The following GPR155 variants were observed in gnomAD, a reference collection of about 807,000 sequenced individuals.
The protein encoded by GPR155 is G protein-coupled receptor 155.
A neutral mutation model predicts 93.1 loss-of-function variants in GPR155; 65 were observed. That is an observed-to-expected ratio of 0.70 (90% CI 0.57 to 0.86). The LOEUF (loss-of-function observed/expected upper bound fraction) is 0.86. Ranked by LOEUF, GPR155 falls within the 40% of genes least tolerant of loss-of-function variation. The pLI is 0.00. For synonymous variants in GPR155, 319 were observed against 360.1 expected, an observed-to-expected ratio of 0.89 and a Z score of 1.29; for missense variants, 838 against 1,034.8, an observed-to-expected ratio of 0.81 and a Z score of 2.61.
intron 13 of GPR155, among the ~76,000 whole-genome samples, chr2:174,442,449 C>T (rs949784563): frequency 6.6e-6 from 1 of 152,088 alleles, no homozygotes; most frequent in African/African-American, 2.4e-5. Flanking sequence ...AAAATGAAAA[C>T]GTTTAAGGGC....
Position 174,436,243 on chromosome 2 carries a change from A to G in GPR155, c.2486T>C (p.Leu829Ser). The change falls in exon 16 of 16, where the codon TTG (leucine) becomes TCG (serine). Residue 829 changes from leucine to serine, a missense_variant. By Grantham distance (145) the Leu-to-Ser change is moderately radical. Transcript: ENST00000392552. ...ACTCTTTTGAAGAAATCTGTAAAACAAGTACTCATCCCGGAATTCATACTC... is the reference window on the plus strand; with the variant it reads ...ACTCTTTTGAAGAAATCTGTAAAACGAGTACTCATCCCGGAATTCATACTC... ...TNEYEFRDEY[L>S]FYRFLQKSPE... is the part of the protein sequence containing the mutation. The G allele has an allele frequency of 6.2e-7, 1 of 1,614,064 alleles. No homozygotes were observed. Among genetic ancestry groups the G allele is most frequent in the Non-Finnish European group, 8.5e-7 (1 of 1,179,904 alleles).
chr2:174,471,394 C>CAAA (rs1156941389), intron 3 of GPR155, among the ~76,000 whole-genome samples: 3 of 43,438 alleles, frequency 6.9e-5, no homozygotes, highest in Non-Finnish European at 9.2e-5. Context: ...GACTCTGTCT[C>CAAA]AAAAAAAAAA....
chr2:174,457,351 AAGAAG>A (rs1185639152), intron 10 of GPR155, among the ~76,000 whole-genome samples: 5 of 152,192 alleles, frequency 3.3e-5, no homozygotes, highest in Admixed American at 1.3e-4. Context: ...AAAAGAAGAG[AAGAAG>A]AGAAGAGAAG....
chr2:174,436,217 G>A lies in GPR155; in HGVS notation c.2512C>T (p.Pro838Ser). ...YLFYRFLQKS[P>S]EQSPPAINAN... ...TTAATAGCAGGAGGACTCTGTTCAG[G>A]ACTCTTTTGAAGAAATCTGTAAAAC... The change falls in exon 16 of 16, where the codon CCT becomes TCT. Residue 838 changes from proline (P) to serine (S), a missense_variant. Physicochemically the swap from Pro to Ser is moderately conservative, Grantham distance 74. This residue lies in a region of GPR155 where 146 missense variants were observed against 177.5 expected (regional missense o/e 0.82). Coordinates refer to ENST00000392552, the MANE Select transcript of GPR155 (RefSeq NM_152529.7). The A allele has an allele frequency of 6.2e-7, 1 of 1,613,730 alleles. No individual in the cohort carries two copies. The highest frequency in any genetic ancestry group is 8.5e-7 in the Non-Finnish European group (1 of 1,179,648).
intron 3 of GPR155, among the ~76,000 whole-genome samples, chr2:174,470,809 T>C (rs1209516276): frequency 6.6e-6 from 1 of 152,210 alleles, no homozygotes; most frequent in Non-Finnish European, 1.5e-5. Context: ...AAAAAGATGT[T>C]TTTGGTTCTA....
chr2:174,479,328 A>AT (rs1688256073), intron 2 of GPR155, among the ~76,000 whole-genome samples: 1 of 152,026 alleles, frequency 6.6e-6, no homozygotes, highest in Admixed American at 6.6e-5. Context: ...AAACCCTTTC[A>AT]TTTTTTCTGG....
At chr2:174,472,638 A>G (rs2105727667) in intron 3 of GPR155, among the ~76,000 whole-genome samples, 1 of 152,276 alleles carries the variant, frequency 6.6e-6, no homozygotes, top group East Asian at 1.9e-4. Context: ...GTCTTTATGG[A>G]TTTGGAAAAG....
intron 15 of GPR155, among the ~76,000 whole-genome samples, chr2:174,437,246 C>T (rs1328957445): frequency 6.6e-6 from 1 of 152,126 alleles, no homozygotes. Context: ...AAGCATCATT[C>T]AGGCTACAAA....
intron 12 of GPR155, 42 bp downstream of exon 12, chr2:174,446,569 T>G: frequency 1.3e-6 from 2 of 1,575,168 alleles, no homozygotes; most frequent in Non-Finnish European, 1.7e-6. Context: ...TGCCAAAAAT[T>G]TAAAGAAATG....
intron 7 of GPR155, 149 bp downstream of exon 7, chr2:174,465,636 C>T (rs978393203): frequency 9.8e-6 from 5 of 511,884 alleles, no homozygotes; most frequent in South Asian, 7.4e-5. Context: ...TCAGCTTTGC[C>T]GATGGCCTCT....
chr2:174,436,881 A>G (rs563266499), intron 15 of GPR155, among the ~76,000 whole-genome samples: 2 of 152,312 alleles, frequency 1.3e-5, no homozygotes, highest in South Asian at 4.1e-4. Context: ...AGCTCCATAT[A>G]CATCATGTAT....
chr2:174,435,962 G>A lies in GPR155; in HGVS notation c.*154C>T, dbSNP rs532239302. On this transcript the variant is annotated 3_prime_UTR_variant, in exon 16 of 16. Coordinates refer to ENST00000392552, the MANE Select transcript of GPR155 (RefSeq NM_152529.7). ...ATACATGTAAAATCACAGACCCTGC[G>A]CATGTGGTGGGAGCACATCTTTTCA... 590 of 615,808 alleles carry A rather than the reference G, an allele frequency of 9.6e-4. No individual in the cohort carries two copies. The highest frequency in any genetic ancestry group is 1.5e-3 in the Non-Finnish European group (501 of 343,694). 38.1% of individuals were successfully genotyped at this position (615,808 alleles called of 1,614,324 possible).
chr2:174,434,127 A>C lies in GPR155; in HGVS notation c.*1989T>G, dbSNP rs938822450. 15 of 122,532 alleles carry C rather than the reference A, an allele frequency of 1.2e-4. No homozygotes were observed. Among genetic ancestry groups the C allele is most frequent in the Non-Finnish European group, 1.5e-4 (9 of 58,560 alleles). The allele number at this position is 122,532 out of a possible 1,614,324, so 7.6% of individuals were successfully genotyped here. On this transcript the variant is annotated 3_prime_UTR_variant, in exon 16 of 16. Coordinates refer to ENST00000392552, the MANE Select transcript of GPR155 (RefSeq NM_152529.7). ...AGGTGCACACCACCACACCTGGCTA[A>C]TTTTTTTTTTTTTTTTTTTTTTTAG...
intron 7 of GPR155, among the ~76,000 whole-genome samples, chr2:174,462,757 C>G (rs1294065531): frequency 6.6e-6 from 1 of 152,228 alleles, no homozygotes; most frequent in Non-Finnish European, 1.5e-5. Flanking sequence ...CAAACACACT[C>G]TGAATTTAAT....
At chr2:174,438,840 A>G (rs995237158) in intron 15 of GPR155, among the ~76,000 whole-genome samples, 3 of 152,230 alleles carry the variant, frequency 2.0e-5, no homozygotes, top group African/African-American at 4.8e-5. Flanking sequence ...GAAACTATTC[A>G]TAGATGGCAC....
chr2:174,481,430 A>T, intron 2 of GPR155, 67 bp downstream of exon 2: 1 of 923,836 alleles, frequency 1.1e-6, no homozygotes, highest in Non-Finnish European at 1.6e-6. Context: ...AGAATCTGTT[A>T]CTAACAAATG....
At chr2:174,455,824 CAGAA>C (rs1002164002) in intron 10 of GPR155, among the ~76,000 whole-genome samples, 1 of 152,130 alleles carries the variant, frequency 6.6e-6, no homozygotes, top group African/African-American at 2.4e-5. Flanking sequence ...TCCACGTATT[CAGAA>C]AGAGACGTAA....
intron 10 of GPR155, among the ~76,000 whole-genome samples, chr2:174,457,836 G>C (rs1274154219): frequency 6.6e-6 from 1 of 151,710 alleles, no homozygotes; most frequent in Non-Finnish European, 1.5e-5. Flanking sequence ...CTGCAGCTTC[G>C]ACCTCCTGGG....
At chr2:174,439,331 C>A (rs540249689) in intron 15 of GPR155, among the ~76,000 whole-genome samples, 1 of 151,818 alleles carries the variant, frequency 6.6e-6, no homozygotes, top group African/African-American at 2.4e-5. Context: ...CTGTATACTT[C>A]GTTTATAAAA....
Sources: gnomAD v4.1 joint callset for allele counts (sites outside exome capture counted in the v4.1 genomes callset) on GRCh38, gnomAD v4.1.1 for gene constraint, gnomAD v4.1.1 regional missense constraint, MANE v1.5 for transcripts, NCBI Gene and HGNC (gene_info 2026-07-23, HGNC 2026-07-21) for gene names.